The following SDK1 variants were observed in gnomAD, a reference collection of about 807,000 sequenced individuals.
SDK1 encodes the protein sidekick cell adhesion molecule 1, also known as protein sidekick-1.
Under a neutral mutation model 245.5 loss-of-function variants are expected in SDK1, and 157 were observed. The observed-to-expected ratio is 0.64, with a 90% confidence interval of 0.56 to 0.73. SDK1 has a LOEUF of 0.73. Among genes scored for constraint, SDK1 ranks in the 30% least tolerant of loss-of-function variants. SDK1 has a pLI of 0.00. For missense variants in SDK1, 3,583 were observed against 3,002.3 expected, an observed-to-expected ratio of 1.19 and a Z score of -4.52; for synonymous variants, 1,647 against 1,278.5, an observed-to-expected ratio of 1.29 and a Z score of -6.15.
intron 34 of SDK1, among the ~76,000 whole-genome samples, chr7:4,176,253 C>CAGG (rs1351589395): frequency 6.6e-6 from 1 of 151,816 alleles, no homozygotes; most frequent in Non-Finnish European, 1.5e-5. Flanking sequence ...GCCTTGAACT[C>CAGG]CTGGCTCAAG....
chr7:3,856,723 G>A (rs1023423645), intron 5 of SDK1, among the ~76,000 whole-genome samples: 2 of 150,842 alleles, frequency 1.3e-5, no homozygotes, highest in Admixed American at 6.6e-5. Context: ...CATGGGAGGC[G>A]GAGATTGCAG....
At chr7:3,468,157 C>T (rs912450582) in intron 1 of SDK1, among the ~76,000 whole-genome samples, 3 of 152,046 alleles carry the variant, frequency 2.0e-5, no homozygotes, top group Non-Finnish European at 4.4e-5. Context: ...TTTGACATTC[C>T]TTTAGTCTTA....
chr7:4,237,556 C>T (rs1419580015), intron 41 of SDK1, 91 bp from the exon 42 acceptor site: 12 of 1,482,858 alleles, frequency 8.1e-6, no homozygotes, highest in Middle Eastern at 1.7e-4. Context: ...TTATCTACCC[C>T]AGCCTTCCCT....
At chr7:3,435,320 C>CTTTTT (rs1438818051) in intron 1 of SDK1, among the ~76,000 whole-genome samples, 1 of 100,164 alleles carries the variant, frequency 1.0e-5, no homozygotes, top group African/African-American at 5.0e-5. Flanking sequence ...AAGGGGACTG[C>CTTTTT]CTTTTTTTTT....
chr7:3,962,094 CACAT>C (rs1345007571), intron 8 of SDK1, among the ~76,000 whole-genome samples: 1 of 152,202 alleles, frequency 6.6e-6, no homozygotes, highest in African/African-American at 2.4e-5. Context: ...CATATACACA[CACAT>C]GCACAGACAC....
chr7:3,561,984 GA>G (rs941254711), intron 1 of SDK1, among the ~76,000 whole-genome samples: 9 of 152,276 alleles, frequency 5.9e-5, no homozygotes, highest in East Asian at 1.9e-4. Flanking sequence ...ATGCTGGTGG[GA>G]AAAAATATAG....
At chr7:4,229,174 T>G (rs1252784830) in intron 40 of SDK1, among the ~76,000 whole-genome samples, 1 of 152,210 alleles carries the variant, frequency 6.6e-6, no homozygotes, top group Non-Finnish European at 1.5e-5. Context: ...ATAATACAAA[T>G]GAGAAAAACA....
intron 35 of SDK1, among the ~76,000 whole-genome samples, chr7:4,186,693 C>T (rs936541776): frequency 5.9e-5 from 9 of 152,144 alleles, no homozygotes; most frequent in Non-Finnish European, 1.2e-4. Flanking sequence ...GCTCCAGCTT[C>T]CTAGGGAGAG....
chr7:3,810,546 G>A (rs113107055), intron 4 of SDK1, among the ~76,000 whole-genome samples: 4 of 152,290 alleles, frequency 2.6e-5, no homozygotes, highest in African/African-American at 7.2e-5. Context: ...CAAATTGACT[G>A]AAGTGCTTTT....
intron 29 of SDK1, among the ~76,000 whole-genome samples, chr7:4,147,672 C>T (rs73671584): frequency 0.057 from 8,608 of 152,086 alleles, 545 homozygotes; most frequent in African/African-American, 0.15. Context: ...CCACAGACAC[C>T]CGAGGTGCTT....
intron 22 of SDK1, among the ~76,000 whole-genome samples, chr7:4,083,412 A>G (rs957773837): frequency 6.6e-6 from 1 of 151,976 alleles, no homozygotes. Flanking sequence ...GGACATCTGC[A>G]TTGGAGATGC....
chr7:3,822,762 C>G (rs907286354), intron 5 of SDK1, among the ~76,000 whole-genome samples: 4 of 150,394 alleles, frequency 2.7e-5, no homozygotes, highest in Admixed American at 2.6e-4. Flanking sequence ...GAATGAAATT[C>G]CATCTCAAAA....
intron 32 of SDK1, among the ~76,000 whole-genome samples, chr7:4,173,223 T>A (rs1417686244): frequency 6.6e-6 from 1 of 152,156 alleles, no homozygotes; most frequent in Admixed American, 6.5e-5. Flanking sequence ...TTATCCCTCA[T>A]CTGAGTATCC....
chr7:3,759,224 G>A (rs1393268403), intron 4 of SDK1, among the ~76,000 whole-genome samples: 3 of 152,172 alleles, frequency 2.0e-5, no homozygotes, highest in Non-Finnish European at 4.4e-5. Context: ...AAGAAATGCT[G>A]TAAAATGCTG....
rs372094559 is a variant in SDK1 at position 4,190,485 on chromosome 7, G to A, written c.5098+11899G>A. Among the ~76,000 whole-genome samples, 68 of 152,326 alleles carry A rather than the reference G, an allele frequency of 4.5e-4. No homozygotes were observed. In the South Asian group the frequency reaches 0.011, roughly 25 times the overall value. On this transcript the variant is annotated intron_variant, in intron 35 of 44. Transcript: ENST00000404826. ...GGAGTCCGCAGGGGGCTCCCCGGGC[G>A]CTATCCCACCCTCTGGGCTCCAGCT...
chr7:3,539,565 T>G (rs773853310), intron 1 of SDK1, among the ~76,000 whole-genome samples: 4 of 152,156 alleles, frequency 2.6e-5, no homozygotes, highest in Non-Finnish European at 5.9e-5. Context: ...TGGAGATGGA[T>G]GGACTTGCCT....
chr7:3,564,294 T>C (rs1258633114), intron 1 of SDK1, among the ~76,000 whole-genome samples: 7 of 152,010 alleles, frequency 4.6e-5, no homozygotes, highest in Admixed American at 4.6e-4. Flanking sequence ...AAAGATAAGA[T>C]AGACCTCTGA....
At chr7:4,010,827 A>T in intron 14 of SDK1, 139 bp from the exon 15 acceptor site, 2 of 866,204 alleles carry the variant, frequency 2.3e-6, no homozygotes, top group Non-Finnish European at 3.5e-6. Context: ...CACACCTGCT[A>T]AATGGGATAA....
At chr7:3,390,569 C>G (rs1406938863) in intron 1 of SDK1, among the ~76,000 whole-genome samples, 1 of 152,176 alleles carries the variant, frequency 6.6e-6, no homozygotes, top group Non-Finnish European at 1.5e-5. Flanking sequence ...TGAGGTCATA[C>G]AGGATTAGAC....
Sources: gnomAD v4.1 joint callset for allele counts (sites outside exome capture counted in the v4.1 genomes callset) on GRCh38, gnomAD v4.1.1 for gene constraint, MANE v1.5 for transcripts, NCBI Gene and HGNC (gene_info 2026-07-23, HGNC 2026-07-21) for gene names.